The following TM9SF3 variants were observed in gnomAD, a reference collection of about 807,000 sequenced individuals.
The protein encoded by TM9SF3 is transmembrane 9 superfamily member 3.
Under a neutral mutation model 78.6 loss-of-function variants are expected in TM9SF3, and 14 were observed. That is an observed-to-expected ratio of 0.18 (90% CI 0.12 to 0.28). The LOEUF (loss-of-function observed/expected upper bound fraction) is 0.28. Among genes scored for constraint, TM9SF3 ranks in the 10% least tolerant of loss-of-function variants. The pLI is 1.00. For missense variants in TM9SF3, 496 were observed against 721.9 expected, an observed-to-expected ratio of 0.69 and a Z score of 3.59; for synonymous variants, 231 against 241.7, an observed-to-expected ratio of 0.96 and a Z score of 0.41.
chr10:96,562,851 A>G (rs1564936768), intron 3 of TM9SF3, among the ~76,000 whole-genome samples: 1 of 152,202 alleles, frequency 6.6e-6, no homozygotes, highest in Admixed American at 6.5e-5. Context: ...ACTGCCAGCT[A>G]TTTGTCCAAT....
At chr10:96,547,049 TA>T (rs1848109861) in intron 8 of TM9SF3, among the ~76,000 whole-genome samples, 1 of 152,342 alleles carries the variant, frequency 6.6e-6, no homozygotes, top group East Asian at 1.9e-4. Flanking sequence ...ATTATCGTGT[TA>T]TTAGTTCCAT....
intron 11 of TM9SF3, among the ~76,000 whole-genome samples, chr10:96,529,405 T>C (rs1847872363): frequency 6.6e-6 from 1 of 152,168 alleles, no homozygotes; most frequent in Non-Finnish European, 1.5e-5. Flanking sequence ...TTGAATGCTT[T>C]GGAAAGATTC....
At chr10:96,531,896 C>CA (rs544880916) in intron 10 of TM9SF3, among the ~76,000 whole-genome samples, 1,989 of 148,830 alleles carry the variant, frequency 0.013, 29 homozygotes, top group Non-Finnish European at 0.016. Flanking sequence ...TACTGATTTA[C>CA]AAAAAAAAAA....
At chr10:96,557,869 C>CT (rs1005551234) in intron 5 of TM9SF3, among the ~76,000 whole-genome samples, 13 of 152,138 alleles carry the variant, frequency 8.5e-5, no homozygotes, top group African/African-American at 3.1e-4. Flanking sequence ...TCTACTTTTT[C>CT]TTTTTTGACA....
intron 5 of TM9SF3, among the ~76,000 whole-genome samples, chr10:96,554,307 A>G (rs1157327696): frequency 6.6e-6 from 1 of 152,036 alleles, no homozygotes; most frequent in Non-Finnish European, 1.5e-5. Context: ...GATCCTTTCA[A>G]TGTCAATACT....
chr10:96,538,905 A>T (rs2134135741), intron 9 of TM9SF3, among the ~76,000 whole-genome samples: 1 of 152,382 alleles, frequency 6.6e-6, no homozygotes, highest in South Asian at 2.1e-4. Context: ...GAATTTTCAC[A>T]GAATGCTGAT....
intron 2 of TM9SF3, among the ~76,000 whole-genome samples, chr10:96,571,233 T>G (rs1055348762): frequency 2.6e-5 from 4 of 152,178 alleles, no homozygotes; most frequent in African/African-American, 9.7e-5. Flanking sequence ...GATGTAGGAC[T>G]AAACACAAAG....
At chr10:96,584,256 TTC>T (rs1168424254) in intron 1 of TM9SF3, among the ~76,000 whole-genome samples, 1 of 152,224 alleles carries the variant, frequency 6.6e-6, no homozygotes, top group Non-Finnish European at 1.5e-5. Flanking sequence ...TTTAGTATTA[TTC>T]TCTCTTTACT....
At chr10:96,558,513 G>T (rs1848263062) in intron 5 of TM9SF3, among the ~76,000 whole-genome samples, 1 of 152,042 alleles carries the variant, frequency 6.6e-6, no homozygotes, top group African/African-American at 2.4e-5. Context: ...GGGCATGATG[G>T]TGTGTGCCTG....
rs1321718293 is a variant in TM9SF3 at position 96,586,840 on chromosome 10, C to T, written c.-5G>A. 4 of 1,214,748 alleles carry T rather than the reference C, an allele frequency of 3.3e-6. No homozygotes were observed. Among genetic ancestry groups the T allele is most frequent in the Non-Finnish European group, 4.1e-6 (4 of 978,570 alleles). 75.2% of individuals were successfully genotyped at this position (1,214,748 alleles called of 1,614,324 possible). On this transcript the variant is annotated 5_prime_UTR_variant, in exon 1 of 15. Coordinates refer to ENST00000371142, the MANE Select transcript of TM9SF3 (RefSeq NM_020123.4). ...AGCGCCAGGCAGCGGCCTCATCCTC[C>T]GCGCCCCTCCGGCCCGGAGCCGGCT...
At chr10:96,585,270 A>G (rs1036924344) in intron 1 of TM9SF3, among the ~76,000 whole-genome samples, 1 of 152,184 alleles carries the variant, frequency 6.6e-6, no homozygotes, top group Non-Finnish European at 1.5e-5. Flanking sequence ...ATTAGTAATA[A>G]TATCATTAAA....
At chr10:96,545,716 T>TC (rs1464200569) in intron 8 of TM9SF3, among the ~76,000 whole-genome samples, 2 of 151,958 alleles carry the variant, frequency 1.3e-5, no homozygotes, top group Non-Finnish European at 2.9e-5. Flanking sequence ...GTGGTGAAAC[T>TC]CCATCTCTAC....
chr10:96,539,499 C>A (rs1589449723), intron 9 of TM9SF3, among the ~76,000 whole-genome samples: 1 of 152,222 alleles, frequency 6.6e-6, no homozygotes, highest in East Asian at 1.9e-4. Context: ...AGAGAGCAGG[C>A]TGGTGGTTAC....
Position 96,527,397 on chromosome 10 carries a change from A to C in TM9SF3, c.1625+16T>G, listed in dbSNP as rs111935192. Reference sequence around the variant, plus strand: ...TTAGTTTCCTAAATAAAAGGTAAAAAAATGTCTCCACTTACTTTGTTTTGA... The same window carrying C: ...TTAGTTTCCTAAATAAAAGGTAAAACAATGTCTCCACTTACTTTGTTTTGA... On this transcript the variant is annotated intron_variant, in intron 13 of 14. Coordinates refer to ENST00000371142, the MANE Select transcript of TM9SF3 (RefSeq NM_020123.4). The C allele has an allele frequency of 1.2e-6, 2 of 1,601,146 alleles. No homozygotes were observed. The highest frequency in any genetic ancestry group is 2.7e-5 in the African/African-American group (2 of 74,298).
Position 96,586,862 on chromosome 10 carries a change from G to A in TM9SF3, c.-27C>T. 2 of 1,194,650 alleles carry A rather than the reference G, an allele frequency of 1.7e-6. No homozygotes were observed. Among genetic ancestry groups the A allele is most frequent in the Non-Finnish European group, 2.1e-6 (2 of 967,080 alleles). The allele number at this position is 1,194,650 out of a possible 1,614,324, so 74.0% of individuals were successfully genotyped here. On this transcript the variant is annotated 5_prime_UTR_variant, in exon 1 of 15. Transcript: ENST00000371142. ...CTCCGCGCCCCTCCGGCCCGGAGCC[G>A]GCTCACCGACTCCTCCTCCCGCCGC...
intron 1 of TM9SF3, among the ~76,000 whole-genome samples, chr10:96,581,419 T>C (rs547425037): frequency 6.6e-6 from 1 of 152,356 alleles, no homozygotes; most frequent in Non-Finnish European, 1.5e-5. Context: ...ATGTGTTTAC[T>C]TCAAAATAAT....
intron 5 of TM9SF3, among the ~76,000 whole-genome samples, chr10:96,554,217 G>C (rs1848207731): frequency 6.6e-6 from 1 of 152,110 alleles, no homozygotes; most frequent in Admixed American, 6.5e-5. Flanking sequence ...AAACCTAAAA[G>C]TTATTGTTAT....
chr10:96,554,227 T>C (rs948783099), intron 5 of TM9SF3, among the ~76,000 whole-genome samples: 2 of 152,238 alleles, frequency 1.3e-5, no homozygotes, highest in Non-Finnish European at 1.5e-5. Flanking sequence ...GTTATTGTTA[T>C]TGCTATTATT....
intron 1 of TM9SF3, among the ~76,000 whole-genome samples, chr10:96,584,448 G>A (rs1471955288): frequency 6.6e-6 from 1 of 152,186 alleles, no homozygotes; most frequent in Non-Finnish European, 1.5e-5. Flanking sequence ...AATGACATTT[G>A]AATTTTATGC....
Sources: allele counts gnomAD v4.1 joint callset (sites outside exome capture counted in the v4.1 genomes callset), GRCh38; gene constraint gnomAD v4.1.1; transcripts MANE v1.5; gene names NCBI Gene and HGNC (gene_info 2026-07-23, HGNC 2026-07-21).